The following CACNG2 variants were observed in gnomAD, a reference collection of about 807,000 sequenced individuals.
The protein encoded by CACNG2 is voltage-dependent calcium channel gamma-2 subunit.
CACNG2 carries 3 observed loss-of-function variants against 25.9 expected under a neutral mutation model. That is an observed-to-expected ratio of 0.12 (90% CI 0.05 to 0.30). CACNG2 has a LOEUF of 0.30. CACNG2 is among the 10% of genes least tolerant of loss of function. The pLI, the probability that CACNG2 is intolerant of heterozygous loss-of-function variation, is 1.00. For synonymous variants in CACNG2, 167 were observed against 173.3 expected (o/e 0.96, Z 0.29); for missense variants, 341 against 432.5 (o/e 0.79, Z 1.88).
chr22:36,694,106 C>A (rs1271147544), intron 1 of CACNG2, among the ~76,000 whole-genome samples: 1 of 152,248 alleles, frequency 6.6e-6, no homozygotes, highest in African/African-American at 2.4e-5. Flanking sequence ...CAGGCACCAG[C>A]TGCATGCTGG....
chr22:36,599,773 AT>A (rs1935727431), intron 1 of CACNG2, among the ~76,000 whole-genome samples: 1 of 152,150 alleles, frequency 6.6e-6, no homozygotes, highest in African/African-American at 2.4e-5. Flanking sequence ...GGAATGCTCT[AT>A]TTTTTAACTT....
chr22:36,694,982 C>A (rs1937316769), intron 1 of CACNG2, among the ~76,000 whole-genome samples: 2 of 152,102 alleles, frequency 1.3e-5, no homozygotes, highest in Admixed American at 1.3e-4. Flanking sequence ...TTGGGAGGCT[C>A]AGGTCAGAGG....
chr22:36,602,825 G>C (rs1343653009), intron 1 of CACNG2, among the ~76,000 whole-genome samples: 2 of 152,160 alleles, frequency 1.3e-5, no homozygotes, highest in Non-Finnish European at 2.9e-5. Flanking sequence ...TGTATGTTCT[G>C]ACTGTTCCAC....
intron 1 of CACNG2, among the ~76,000 whole-genome samples, chr22:36,663,977 A>T (rs1463510814): frequency 6.6e-6 from 1 of 152,234 alleles, no homozygotes; most frequent in Non-Finnish European, 1.5e-5. Flanking sequence ...GAGTTCATTA[A>T]GGAGCACAAC....
chr22:36,676,892 T>C (rs1022319618), intron 1 of CACNG2, among the ~76,000 whole-genome samples: 4 of 151,750 alleles, frequency 2.6e-5, no homozygotes, highest in African/African-American at 9.7e-5. Context: ...TTCCCTGAGC[T>C]GCCTGATGGA....
chr22:36,675,475 C>A (rs6000381), intron 1 of CACNG2, among the ~76,000 whole-genome samples: 1 of 152,200 alleles, frequency 6.6e-6, no homozygotes, highest in South Asian at 2.1e-4. Flanking sequence ...TTCCATCCTG[C>A]AATACACATA....
At chr22:36,590,220 G>A (rs1267842597) in intron 1 of CACNG2, among the ~76,000 whole-genome samples, 1 of 152,198 alleles carries the variant, frequency 6.6e-6, no homozygotes, top group Non-Finnish European at 1.5e-5. Context: ...TTGGCTCCTA[G>A]CGCAGTGCCT....
At chr22:36,580,535 C>T (rs1397804025) in intron 2 of CACNG2, among the ~76,000 whole-genome samples, 4 of 152,142 alleles carry the variant, frequency 2.6e-5, no homozygotes, top group African/African-American at 9.7e-5. Context: ...GGTGATCCCC[C>T]CATTGAGGCC....
chr22:36,623,062 C>A (rs1334599013), intron 1 of CACNG2, among the ~76,000 whole-genome samples: 1 of 137,254 alleles, frequency 7.3e-6, no homozygotes, highest in Non-Finnish European at 1.6e-5. Context: ...TCTCTCTCTC[C>A]CAGGCTGGAG....
chr22:36,569,600 C>G (rs750396488), intron 2 of CACNG2, among the ~76,000 whole-genome samples: 3 of 152,154 alleles, frequency 2.0e-5, no homozygotes. Context: ...AGTGCAGTGG[C>G]GTGATCTTGA....
chr22:36,666,443 T>G (rs376269161), intron 1 of CACNG2, among the ~76,000 whole-genome samples: 2 of 151,896 alleles, frequency 1.3e-5, no homozygotes, highest in East Asian at 3.9e-4. Flanking sequence ...ACTGTATGAT[T>G]CAACTTACAT....
At chr22:36,658,506 A>C (rs1936740655) in intron 1 of CACNG2, among the ~76,000 whole-genome samples, 1 of 152,200 alleles carries the variant, frequency 6.6e-6, no homozygotes, top group Non-Finnish European at 1.5e-5. Context: ...CCCATTTTCT[A>C]GATAAGGATA....
In CACNG2 at chr22:36,599,774, T is replaced by C. The variant is rs528270740; in HGVS notation, c.212-12226A>G. ...GCTTCAATGTCCTAGGAATGCTCTATTTTTTAACTTCGTAATGAGTGCATA... is the reference window on the plus strand; with the variant it reads ...GCTTCAATGTCCTAGGAATGCTCTACTTTTTAACTTCGTAATGAGTGCATA... On this transcript the variant is annotated intron_variant, in intron 1 of 3. Coordinates refer to ENST00000300105, the MANE Select transcript of CACNG2 (RefSeq NM_006078.5). 1.8e-4 allele frequency among the ~76,000 whole-genome samples: 28 copies of C among 152,348 alleles called. No homozygotes were observed. In the South Asian group the frequency reaches 5.8e-3, roughly 32 times the overall value.
chr22:36,617,617 T>C (rs932168156), intron 1 of CACNG2, among the ~76,000 whole-genome samples: 1 of 148,282 alleles, frequency 6.7e-6, no homozygotes, highest in African/African-American at 2.5e-5. Flanking sequence ...AGTAAAACCC[T>C]GATCCTGGGC....
chr22:36,674,032 G>A (rs1448741765), intron 1 of CACNG2, among the ~76,000 whole-genome samples: 1 of 152,202 alleles, frequency 6.6e-6, no homozygotes, highest in Non-Finnish European at 1.5e-5. Flanking sequence ...CCTCCCGCAT[G>A]ATCAAGTAAG....
At chr22:36,672,253 C>A (rs755993702) in intron 1 of CACNG2, among the ~76,000 whole-genome samples, 1 of 152,052 alleles carries the variant, frequency 6.6e-6, no homozygotes, top group Non-Finnish European at 1.5e-5. Context: ...ACCTCCTGGG[C>A]TCAAGCGATC....
chr22:36,688,768 T>C (rs150728046), intron 1 of CACNG2, among the ~76,000 whole-genome samples: 5 of 152,268 alleles, frequency 3.3e-5, no homozygotes, highest in African/African-American at 7.2e-5. Context: ...GAAGCCTTGC[T>C]TCTCAAACTG....
rs138729815 is a variant in CACNG2, at chr22:36,676,932, T to TTGTGTGTGTGTGTGTGTGTGTG, written c.211+25412_211+25433dup. ...GCCTCTCTTTCTGCTTCTTCTAATA[T>TTGTGTGTGTGTGTGTGTGTGTG]TGTGTGTGTGTGTGTGTGTGTGTGT... On this transcript the variant is annotated intron_variant, in intron 1 of 3. Transcript: ENST00000300105. Among the ~76,000 whole-genome samples, 557 of 141,732 alleles carry TTGTGTGTGTGTGTGTGTGTGTG rather than the reference T, an allele frequency of 3.9e-3. 5 individuals carry two copies. Among genetic ancestry groups the TTGTGTGTGTGTGTGTGTGTGTG allele is most frequent in the Non-Finnish European group, 3.4e-3 (226 of 65,510 alleles). 93.0% of individuals were successfully genotyped at this position (141,732 alleles called of 152,430 possible). A position where few individuals can be genotyped will look rare whatever the true frequency, so the allele number is the denominator to read the frequency against.
At chr22:36,600,042 A>G (rs952802687) in intron 1 of CACNG2, among the ~76,000 whole-genome samples, 2 of 152,194 alleles carry the variant, frequency 1.3e-5, no homozygotes, top group Admixed American at 1.3e-4. Context: ...TGCCCTTCTC[A>G]GTCCTTTCCT....
Sources: allele counts gnomAD v4.1 joint callset (sites outside exome capture counted in the v4.1 genomes callset), GRCh38; gene constraint gnomAD v4.1.1; transcripts MANE v1.5; gene names NCBI Gene and HGNC (gene_info 2026-07-23, HGNC 2026-07-21).